Variants in ACER3 observed in about 807,000 individuals in gnomAD.
ACER3 encodes the protein alkaline ceramidase 3.
Under a neutral mutation model 48.9 loss-of-function variants are expected in ACER3, and 16 were observed. The observed-to-expected ratio is 0.33, with a 90% CI of 0.22 to 0.50. The LOEUF (loss-of-function observed/expected upper bound fraction) is 0.50. Among genes scored for constraint, ACER3 ranks in the 20% least tolerant of loss-of-function variants. The pLI is 0.98. For missense variants in ACER3, 227 were observed against 326.0 expected, an observed-to-expected ratio of 0.70 and a Z score of 2.34; for synonymous variants, 109 against 107.8, an observed-to-expected ratio of 1.01 and a Z score of -0.07.
chr11:76,906,497 T>C (rs766276515), intron 1 of ACER3, among the ~76,000 whole-genome samples: 17 of 152,136 alleles, frequency 1.1e-4, no homozygotes, highest in Non-Finnish European at 2.2e-4. Flanking sequence ...GCAGCACCCA[T>C]TCCCTAGTTC....
At chr11:76,957,143 TA>T (rs1041329622) in intron 2 of ACER3, among the ~76,000 whole-genome samples, 2 of 152,196 alleles carry the variant, frequency 1.3e-5, no homozygotes, top group African/African-American at 4.8e-5. Flanking sequence ...ACCTTCTGTT[TA>T]TCTGCCTGTC....
In ACER3 at chr11:77,020,487, A is replaced by G; in HGVS notation, c.*160A>G. Reference sequence around the variant, plus strand: ...GCCACCCACACAGAGAATAAGGAGTAGGGCCTGCTGGGTGTTTAGCTCATG... The same window carrying G: ...GCCACCCACACAGAGAATAAGGAGTGGGGCCTGCTGGGTGTTTAGCTCATG... On this transcript the variant is annotated 3_prime_UTR_variant, in exon 11 of 11. Coordinates refer to ENST00000532485, the MANE Select transcript of ACER3 (RefSeq NM_018367.7). 1.4e-6 allele frequency: 1 copy of G among 721,338 alleles called. No homozygotes were observed. Among genetic ancestry groups the G allele is most frequent in the South Asian group, 1.8e-5 (1 of 54,444 alleles). 44.7% of individuals were successfully genotyped at this position (721,338 alleles called of 1,614,324 possible).
At chr11:76,939,173 T>C (rs1037542626) in intron 2 of ACER3, among the ~76,000 whole-genome samples, 6 of 152,162 alleles carry the variant, frequency 3.9e-5, no homozygotes, top group Non-Finnish European at 5.9e-5. Context: ...AACTAATAAA[T>C]GTAAACAGAA....
chr11:77,004,532 T>C (rs1949094982), intron 7 of ACER3, among the ~76,000 whole-genome samples: 1 of 152,218 alleles, frequency 6.6e-6, no homozygotes, highest in African/African-American at 2.4e-5. Context: ...CCAAACATGA[T>C]TTTGGACTTG....
At chr11:77,005,121 T>C (rs1949108029) in intron 7 of ACER3, among the ~76,000 whole-genome samples, 1 of 148,662 alleles carries the variant, frequency 6.7e-6, no homozygotes, top group East Asian at 2.1e-4. Context: ...CACTGCAAAC[T>C]CCGCCTCCCG....
At chr11:76,968,859 A>T (rs1293753218) in intron 3 of ACER3, among the ~76,000 whole-genome samples, 2 of 152,222 alleles carry the variant, frequency 1.3e-5, no homozygotes, top group Non-Finnish European at 2.9e-5. Flanking sequence ...AACCTAGGCA[A>T]TACCATTCAG....
intron 2 of ACER3, among the ~76,000 whole-genome samples, chr11:76,945,022 G>A (rs1271529362): frequency 7.1e-6 from 1 of 140,158 alleles, no homozygotes; most frequent in African/African-American, 2.6e-5. Context: ...GTATTTTGTT[G>A]TTTTTTTTTC....
At chr11:77,019,690 A>C in intron 9 of ACER3, 41 bp from the exon 10 acceptor site, 1 of 1,603,678 alleles carries the variant, frequency 6.2e-7, no homozygotes, top group African/African-American at 1.3e-5. Context: ...ATGAATTCAA[A>C]ATGAATCTGA....
chr11:76,994,133 T>C, intron 6 of ACER3: 1 of 386,736 alleles, frequency 2.6e-6, no homozygotes, highest in Non-Finnish European at 5.1e-6. Flanking sequence ...GGGATTAAAC[T>C]TTCTTTTTTT....
At chr11:76,863,527 A>G (rs1944993707) in intron 1 of ACER3, among the ~76,000 whole-genome samples, 1 of 152,250 alleles carries the variant, frequency 6.6e-6, no homozygotes, top group Non-Finnish European at 1.5e-5. Flanking sequence ...ATGAGTATCT[A>G]CAGTAATATA....
chr11:76,992,485 C>T (rs1474430919), intron 6 of ACER3, among the ~76,000 whole-genome samples: 5 of 151,946 alleles, frequency 3.3e-5, no homozygotes, highest in Non-Finnish European at 7.4e-5. Context: ...GATTTTCTTC[C>T]CTATGTATAG....
At chr11:76,943,796 G>A (rs1947404633) in intron 2 of ACER3, among the ~76,000 whole-genome samples, 1 of 150,432 alleles carries the variant, frequency 6.6e-6, no homozygotes, top group South Asian at 2.1e-4. Context: ...CTTTCTTTAG[G>A]TCTAATAATA....
At position 77,023,702 on chromosome 11, in the gene ACER3, A is replaced by G. The variant is rs1333461159; in HGVS notation, c.*3375A>G. ...TCTGTCTTCCATTTTGCATCCTGTC[A>G]GTGCTATAATTAGTTTGATCACTTT... On this transcript the variant is annotated 3_prime_UTR_variant, in exon 11 of 11. Coordinates refer to ENST00000532485, the MANE Select transcript of ACER3 (RefSeq NM_018367.7). The G allele has an allele frequency of 6.5e-6, 1 of 152,730 alleles. No individual in the cohort carries two copies. Among genetic ancestry groups the G allele is most frequent in the Non-Finnish European group, 1.5e-5 (1 of 68,424 alleles). The allele number at this position is 152,730 out of a possible 1,614,324, so 9.5% of individuals were successfully genotyped here.
chr11:77,015,545 A>AG (rs1949350285), intron 8 of ACER3, among the ~76,000 whole-genome samples: 1 of 152,200 alleles, frequency 6.6e-6, no homozygotes, highest in South Asian at 2.1e-4. Flanking sequence ...CAGCAATCAT[A>AG]TATTGACAGG....
intron 3 of ACER3, among the ~76,000 whole-genome samples, chr11:76,968,638 A>G (rs887009198): frequency 6.6e-6 from 1 of 152,188 alleles, no homozygotes; most frequent in African/African-American, 2.4e-5. Flanking sequence ...AAATAATGCC[A>G]CATATCTACA....
chr11:76,991,538 G>A (rs896615069), intron 6 of ACER3, among the ~76,000 whole-genome samples: 18 of 151,336 alleles, frequency 1.2e-4, no homozygotes, highest in East Asian at 5.8e-4. Context: ...CCTCACGGCC[G>A]GGCGTGGTGG....
At chr11:76,974,860 C>A (rs557820653) in intron 3 of ACER3, among the ~76,000 whole-genome samples, 2 of 152,238 alleles carry the variant, frequency 1.3e-5, no homozygotes, top group South Asian at 4.1e-4. Flanking sequence ...CCAACAAAAT[C>A]AATAATTAAC....
At chr11:76,865,199 G>C (rs1945046370) in intron 1 of ACER3, among the ~76,000 whole-genome samples, 1 of 144,528 alleles carries the variant, frequency 6.9e-6, no homozygotes, top group South Asian at 2.2e-4. Context: ...TGCCCAAGCT[G>C]GTCTCAAACT....
intron 1 of ACER3, among the ~76,000 whole-genome samples, chr11:76,900,126 C>G (rs10899306): frequency 0.11 from 16,167 of 151,990 alleles, 1,067 homozygotes; most frequent in East Asian, 0.36. Context: ...GCCAAGAGTT[C>G]AAGACCAGCC....
Sources: allele counts gnomAD v4.1 joint callset (sites outside exome capture counted in the v4.1 genomes callset), GRCh38; gene constraint gnomAD v4.1.1; transcripts MANE v1.5; gene names NCBI Gene and HGNC (gene_info 2026-07-23, HGNC 2026-07-21).